Variants in STK3 observed in about 807,000 individuals in gnomAD.
The protein encoded by STK3 is serine/threonine kinase 3, also known as serine/threonine-protein kinase 3.
In STK3, 41 loss-of-function variants were observed where a neutral mutation model predicts 58.0. That is an observed-to-expected ratio of 0.71 (90% CI 0.55 to 0.92). STK3 has a LOEUF of 0.92. Among genes scored for constraint, STK3 ranks in the 40% least tolerant of loss-of-function variants. The pLI is 0.00. For missense variants in STK3, 479 were observed against 602.7 expected (o/e 0.79, Z 2.15); for synonymous variants, 170 against 191.0 (o/e 0.89, Z 0.91).
At chr8:98,702,192 G>A (rs1825677182) in intron 6 of STK3, among the ~76,000 whole-genome samples, 1 of 152,128 alleles carries the variant, frequency 6.6e-6, no homozygotes, top group Admixed American at 6.5e-5. Flanking sequence ...CTTCTTATTA[G>A]AAAATTTCTC....
chr8:98,652,169 C>T (rs1044862726), intron 6 of STK3, among the ~76,000 whole-genome samples: 13 of 152,258 alleles, frequency 8.5e-5, no homozygotes, highest in African/African-American at 3.1e-4. Context: ...ACAGTGGGGG[C>T]CAATATTCAA....
At chr8:98,350,333 ATT>A in the STK3 span, among the ~76,000 whole-genome samples, 1 of 152,116 alleles carries the variant, frequency 6.6e-6, no homozygotes, top group Admixed American at 6.6e-5. Context: ...CCTGAATTTC[ATT>A]GTCTGTATCA....
chr8:98,706,908 C>T (rs557080676), intron 5 of STK3, among the ~76,000 whole-genome samples: 8 of 152,126 alleles, frequency 5.3e-5, no homozygotes, highest in Admixed American at 2.6e-4. Flanking sequence ...AAATGAGCTA[C>T]GTAGCTTCCC....
At chr8:98,936,354 C>T (rs944294450) in intron 1 of STK3, among the ~76,000 whole-genome samples, 10 of 152,050 alleles carry the variant, frequency 6.6e-5, no homozygotes, top group African/African-American at 1.4e-4. Context: ...CTGATGCATA[C>T]GATATCATAA....
intron 10 of STK3, among the ~76,000 whole-genome samples, chr8:98,477,919 C>G (rs1586659827): frequency 6.6e-6 from 1 of 151,990 alleles, no homozygotes; most frequent in South Asian, 2.1e-4. Flanking sequence ...TCACAAGATG[C>G]CAGTAGCTTT....
chr8:98,425,836 G>A (rs1431161542), intron 3 of STK3, among the ~76,000 whole-genome samples: 1 of 152,222 alleles, frequency 6.6e-6, no homozygotes, highest in Non-Finnish European at 1.5e-5. Flanking sequence ...GTTGCACCAT[G>A]AATCCAGAGC....
chr8:98,696,634 G>A (rs1368289520), intron 6 of STK3, among the ~76,000 whole-genome samples: 4 of 152,096 alleles, frequency 2.6e-5, no homozygotes, highest in East Asian at 1.9e-4. Flanking sequence ...TTTGTCTTTC[G>A]TTCTGTTTAC....
intron 1 of STK3, among the ~76,000 whole-genome samples, chr8:98,915,618 T>G (rs1392034633): frequency 6.6e-6 from 1 of 151,900 alleles, no homozygotes; most frequent in African/African-American, 2.4e-5. Flanking sequence ...CTTTTTGAAA[T>G]GCAAATAATA....
At chr8:98,689,913 T>C (rs1824271055) in intron 6 of STK3, among the ~76,000 whole-genome samples, 1 of 152,162 alleles carries the variant, frequency 6.6e-6, no homozygotes, top group Non-Finnish European at 1.5e-5. Flanking sequence ...TAAATGTGAT[T>C]TACCACATAA....
chr8:98,708,649 T>C (rs1012622756), intron 4 of STK3, among the ~76,000 whole-genome samples: 14 of 152,208 alleles, frequency 9.2e-5, no homozygotes, highest in African/African-American at 3.1e-4. Context: ...CTAAGAGTTA[T>C]GCATGCATTC....
intron 1 of STK3, chr8:98,905,575 T>G (rs936284853): frequency 1.8e-6 from 2 of 1,093,774 alleles, no homozygotes; most frequent in African/African-American, 3.1e-5. Flanking sequence ...TTCTTAATGA[T>G]GTCACATTCC....
chr8:98,442,228 C>T (rs1471618524), intron 1 of STK3, among the ~76,000 whole-genome samples: 1 of 152,232 alleles, frequency 6.6e-6, no homozygotes, highest in Non-Finnish European at 1.5e-5. Flanking sequence ...CCCAGCCCCT[C>T]TCCCTGAACT....
At chr8:98,623,429 T>C (rs1818475725) in intron 6 of STK3, among the ~76,000 whole-genome samples, 1 of 152,130 alleles carries the variant, frequency 6.6e-6, no homozygotes, top group Admixed American at 6.5e-5. Context: ...GGGGCTCTAA[T>C]CCAATATGAC....
At chr8:98,505,900 C>G (rs1274020917) in intron 10 of STK3, among the ~76,000 whole-genome samples, 1 of 152,202 alleles carries the variant, frequency 6.6e-6, no homozygotes, top group Admixed American at 6.5e-5. Context: ...AGCTCGAACA[C>G]CATGCTGGGA....
At chr8:98,871,019 A>G (rs1196458224) in intron 3 of STK3, among the ~76,000 whole-genome samples, 2 of 152,148 alleles carry the variant, frequency 1.3e-5, no homozygotes, top group South Asian at 2.1e-4. Context: ...TAATTTTTGT[A>G]TAAGGTTTAA....
chr8:98,439,058 A>G (rs1818598830), intron 1 of STK3: 1 of 152,016 alleles, frequency 6.6e-6, no homozygotes, highest in Non-Finnish European at 1.5e-5. Flanking sequence ...CTGCCAGCCA[A>G]TATCTCTCCC....
chr8:98,677,517 AAAG>A (rs1240073529), intron 6 of STK3, among the ~76,000 whole-genome samples: 3 of 152,142 alleles, frequency 2.0e-5, no homozygotes, highest in South Asian at 4.2e-4. Flanking sequence ...AAAAAAGAAG[AAAG>A]AAGAAGAAAG....
chr8:98,419,106 A>G, intron 3 of STK3, among the ~76,000 whole-genome samples: 1 of 152,170 alleles, frequency 6.6e-6, no homozygotes, highest in South Asian at 2.1e-4. Context: ...CACGCCTGAA[A>G]TCCCAGCACT....
chr8:98,622,660 T>G (rs1818418924), intron 6 of STK3, among the ~76,000 whole-genome samples: 1 of 152,172 alleles, frequency 6.6e-6, no homozygotes, highest in African/African-American at 2.4e-5. Context: ...ATTGCTACAT[T>G]TAAAGTAATC....
Sources: gnomAD v4.1 joint callset for allele counts (sites outside exome capture counted in the v4.1 genomes callset) on GRCh38, gnomAD v4.1.1 for gene constraint, MANE v1.5 for transcripts, NCBI Gene and HGNC (gene_info 2026-07-23, HGNC 2026-07-21) for gene names.